FAF2: variants seen among roughly 807,000 people sequenced by gnomAD.
The protein encoded by FAF2 is Fas associated factor family member 2, also known as FAS-associated factor 2.
FAF2 carries 9 observed loss-of-function variants against 62.3 expected under a neutral mutation model. The observed-to-expected ratio is 0.14, with a 90% confidence interval of 0.09 to 0.25. FAF2 has a LOEUF of 0.25. FAF2 is among the 10% of genes least tolerant of loss of function. The probability of loss-of-function intolerance (pLI) is 1.00; values close to 1 mark genes in which losing one functional copy is unlikely to be tolerated. For missense variants in FAF2, 368 were observed against 556.2 expected (o/e 0.66, Z 3.40); for synonymous variants, 202 against 198.0 (o/e 1.02, Z -0.17).
chr5:176,501,958 T>C (rs1363384166), intron 10 of FAF2, among the ~76,000 whole-genome samples: 1 of 152,112 alleles, frequency 6.6e-6, no homozygotes, highest in East Asian at 1.9e-4. Context: ...GGTTTCACCA[T>C]GTTGGTCAGG....
intron 2 of FAF2, among the ~76,000 whole-genome samples, chr5:176,480,811 G>C (rs1020717417): frequency 7.0e-5 from 9 of 128,956 alleles, no homozygotes; most frequent in African/African-American, 2.3e-4. Context: ...GGGGTGGGGG[G>C]CTGGGGGGCT....
intron 1 of FAF2, among the ~76,000 whole-genome samples, chr5:176,452,295 T>C (rs146984585): frequency 0.013 from 2,021 of 152,226 alleles, 48 homozygotes; most frequent in African/African-American, 0.046. Flanking sequence ...TGACCTCAGG[T>C]GATCCACCTG....
chr5:176,503,126 G>T (rs1187500815), intron 10 of FAF2, among the ~76,000 whole-genome samples: 2 of 152,204 alleles, frequency 1.3e-5, no homozygotes, highest in Non-Finnish European at 2.9e-5. Context: ...GAAATGCTTG[G>T]TCATAAATGG....
chr5:176,452,178 C>G (rs1181666921), intron 1 of FAF2, among the ~76,000 whole-genome samples: 1 of 151,712 alleles, frequency 6.6e-6, no homozygotes, highest in Non-Finnish European at 1.5e-5. Context: ...TTGCCTCAGC[C>G]TCCTGAGTAG....
At chr5:176,477,649 C>T (rs889197939) in intron 1 of FAF2, among the ~76,000 whole-genome samples, 3 of 152,198 alleles carry the variant, frequency 2.0e-5, no homozygotes, top group African/African-American at 7.2e-5. Flanking sequence ...TTTTGTACTA[C>T]ATGTGTAATT....
intron 8 of FAF2, among the ~76,000 whole-genome samples, chr5:176,497,706 G>A (rs1755522904): frequency 6.6e-6 from 1 of 152,076 alleles, no homozygotes; most frequent in African/African-American, 2.4e-5. Context: ...TAAATTCCTG[G>A]AAGTGCAGTT....
At chr5:176,495,807 A>G (rs1759049485) in intron 7 of FAF2, among the ~76,000 whole-genome samples, 2 of 152,142 alleles carry the variant, frequency 1.3e-5, no homozygotes, top group Non-Finnish European at 2.9e-5. Flanking sequence ...CTACCAGCCC[A>G]GCCTCAACTT....
intron 1 of FAF2, among the ~76,000 whole-genome samples, chr5:176,455,075 TA>T (rs75882004): frequency 2.0e-4 from 29 of 148,236 alleles, no homozygotes; most frequent in East Asian, 2.0e-3. Flanking sequence ...GGGAAATTGC[TA>T]AAAAAAAAAA....
chr5:176,483,059 A>G (rs1581067804), intron 2 of FAF2, among the ~76,000 whole-genome samples: 1 of 150,166 alleles, frequency 6.7e-6, no homozygotes, highest in African/African-American at 2.4e-5. Flanking sequence ...ATTTTTATTT[A>G]TTTTATTTTT....
At position 176,507,380 on chromosome 5, in the gene FAF2, T is replaced by C; in HGVS notation, c.*430T>C. 2 of 447,580 alleles carry C rather than the reference T, an allele frequency of 4.5e-6. No individual in the cohort carries two copies. Among genetic ancestry groups the C allele is most frequent in the Middle Eastern group, 3.3e-4 (1 of 3,046 alleles). 27.7% of individuals were successfully genotyped at this position (447,580 alleles called of 1,614,324 possible). On this transcript the variant is annotated 3_prime_UTR_variant, in exon 11 of 11. Coordinates refer to ENST00000261942, the MANE Select transcript of FAF2 (RefSeq NM_014613.3). The stretch of plus-strand genomic sequence containing the variant: ...CTTGCAGCATCTCCTGAGGACTTGC[T>C]TCTCCTGCCTCTGGGGAAGAGAGGG...
Position 176,507,079 on chromosome 5 carries a change from A to T in FAF2, c.*129A>T, listed in dbSNP as rs1003948598. On this transcript the variant is annotated 3_prime_UTR_variant, in exon 11 of 11. Coordinates refer to ENST00000261942, the MANE Select transcript of FAF2 (RefSeq NM_014613.3). ...ATTATTATTATTATTATAATACAAT[A>T]TTTTTTTTAAAAGACTGCTGCATCC... is the stretch of plus-strand genomic sequence containing the variant. 6 of 522,078 alleles carry T rather than the reference A, an allele frequency of 1.1e-5. No homozygotes were observed. The highest frequency in any genetic ancestry group is 1.6e-5 in the Non-Finnish European group (6 of 369,906). The allele number at this position is 522,078 out of a possible 1,614,324, so 32.3% of individuals were successfully genotyped here.
Position 176,498,962 on chromosome 5 carries a change from C to T in FAF2, c.888C>T (p.Ala296=), listed in dbSNP as rs1410827231. The T allele has an allele frequency of 5.6e-6, 9 of 1,612,354 alleles. No homozygotes were observed. The highest frequency in any genetic ancestry group is 7.6e-6 in the Non-Finnish European group (9 of 1,178,962). ...TQVLRQQQDE[A]YLASLRADQE... Reference sequence around the variant, plus strand: ...TGCTGAGACAACAGCAGGATGAGGCCTACCTGGCCTCTCTCAGAGCTGACC... The same window carrying T: ...TGCTGAGACAACAGCAGGATGAGGCTTACCTGGCCTCTCTCAGAGCTGACC... The change falls in exon 9 of 11, where the codon GCC becomes GCT. Residue 296 remains alanine (A), a synonymous_variant. Coordinates refer to ENST00000261942, the MANE Select transcript of FAF2 (RefSeq NM_014613.3).
At chr5:176,502,654 G>A (rs1215834200) in intron 10 of FAF2, among the ~76,000 whole-genome samples, 1 of 152,168 alleles carries the variant, frequency 6.6e-6, no homozygotes, top group Admixed American at 6.5e-5. Context: ...TGTTAGAACT[G>A]TGGAACAGAA....
Position 176,490,488 on chromosome 5 carries a change from A to G in FAF2, c.344+1461A>G, listed in dbSNP as rs1029194438. ...TAGTCTGGGCCTTCCCTGGAAGTACAGGTTCCCTGTACTTCCCTTCAAATA... is the reference window on the plus strand; with the variant it reads ...TAGTCTGGGCCTTCCCTGGAAGTACGGGTTCCCTGTACTTCCCTTCAAATA... On this transcript the variant is annotated intron_variant, in intron 4 of 10. Coordinates refer to ENST00000261942, the MANE Select transcript of FAF2 (RefSeq NM_014613.3). 4.0e-5 allele frequency among the ~76,000 whole-genome samples: 6 copies of G among 150,312 alleles called. No individual in the cohort carries two copies. In the East Asian group the frequency reaches 1.2e-3, roughly 29 times the overall value.
chr5:176,503,513 C>G (rs943252156), intron 10 of FAF2, among the ~76,000 whole-genome samples: 2 of 149,742 alleles, frequency 1.3e-5, no homozygotes, highest in Non-Finnish European at 2.9e-5. Flanking sequence ...GGAGATCGTG[C>G]TATTGCACTC....
intron 1 of FAF2, among the ~76,000 whole-genome samples, chr5:176,451,829 C>CACATATATATATACAT (rs1381638693): frequency 4.4e-5 from 1 of 22,606 alleles, no homozygotes; most frequent in East Asian, 1.1e-3. Context: ...TATATATATA[C>CACATATATATATACAT]ATATATATAT....
At position 176,510,058 on chromosome 5, in the gene FAF2, T is replaced by G. The variant is rs1755750806; in HGVS notation, c.*3108T>G. On this transcript the variant is annotated 3_prime_UTR_variant, in exon 11 of 11. Coordinates refer to ENST00000261942, the MANE Select transcript of FAF2 (RefSeq NM_014613.3). Reference sequence around the variant, plus strand: ...GTATTGTAGGTTAACATTAAATGTTTTATAGCAAAAACTTCATAACAGGCT... The same window carrying G: ...GTATTGTAGGTTAACATTAAATGTTGTATAGCAAAAACTTCATAACAGGCT... The G allele has an allele frequency of 6.6e-6, 1 of 152,566 alleles. No individual in the cohort carries two copies. Among genetic ancestry groups the G allele is most frequent in the Non-Finnish European group, 1.5e-5 (1 of 68,040 alleles). 9.5% of individuals were successfully genotyped at this position (152,566 alleles called of 1,614,324 possible).
rs536668435 is a variant in FAF2 at position 176,488,924 on chromosome 5, T to A, written c.268-27T>A. On this transcript the variant is annotated intron_variant, in intron 3 of 10. Coordinates refer to ENST00000261942, the MANE Select transcript of FAF2 (RefSeq NM_014613.3). ...AAAATATTAGGGATTGAGAGAATTG[T>A]CTCTAACTTTGTTTTTGGACTTTCA... The A allele has an allele frequency of 1.9e-6, 3 of 1,579,044 alleles. No individual in the cohort carries two copies. The South Asian group carries it at 3.3e-5, about 18-fold the overall frequency.
At chr5:176,473,927 A>G (rs1758618004) in intron 1 of FAF2, among the ~76,000 whole-genome samples, 1 of 152,114 alleles carries the variant, frequency 6.6e-6, no homozygotes, top group Admixed American at 6.6e-5. Context: ...TGACCACAAG[A>G]TTCTCTAGGC....
Sources: gnomAD v4.1 joint callset for allele counts (sites outside exome capture counted in the v4.1 genomes callset) on GRCh38, gnomAD v4.1.1 for gene constraint, MANE v1.5 for transcripts, NCBI Gene and HGNC (gene_info 2026-07-23, HGNC 2026-07-21) for gene names.